The following PHACTR3 variants were observed in gnomAD, a reference collection of about 807,000 sequenced individuals.
PHACTR3 encodes the protein protein phosphatase 1, regulatory subunit 123.
PHACTR3 carries 16 observed loss-of-function variants against 66.8 expected under a neutral mutation model. The observed-to-expected ratio is 0.24, with a 90% CI of 0.16 to 0.36. The LOEUF (loss-of-function observed/expected upper bound fraction) is 0.36. Among genes scored for constraint, PHACTR3 ranks in the 10% least tolerant of loss-of-function variants. The pLI is 1.00. For missense variants in PHACTR3, 647 were observed against 719.9 expected, an observed-to-expected ratio of 0.90 and a Z score of 1.16; for synonymous variants, 323 against 292.1, an observed-to-expected ratio of 1.11 and a Z score of -1.08.
At chr20:59,718,225 A>T (rs1164293363) in intron 1 of PHACTR3, among the ~76,000 whole-genome samples, 2 of 151,996 alleles carry the variant, frequency 1.3e-5, no homozygotes, top group Non-Finnish European at 2.9e-5. Flanking sequence ...CTGCTTGGAG[A>T]ATGACAACTT....
chr20:59,604,997 C>T lies in PHACTR3; in HGVS notation c.-18C>T. ...TCCACGCGGCTCGCTCTAACTTGCC[C>T]CCGCGCCGGCCGGGCCCATGGCCGC... On this transcript the variant is annotated 5_prime_UTR_variant, in exon 1 of 13. Transcript: ENST00000371015. The T allele has an allele frequency of 7.7e-7, 1 of 1,303,840 alleles. No homozygotes were observed. 80.8% of individuals were successfully genotyped at this position (1,303,840 alleles called of 1,614,324 possible).
At chr20:59,796,904 T>C (rs942995260) in intron 7 of PHACTR3, among the ~76,000 whole-genome samples, 1 of 152,232 alleles carries the variant, frequency 6.6e-6, no homozygotes, top group Admixed American at 6.5e-5. Context: ...TGCCAACACA[T>C]GGGAATTTTT....
intron 1 of PHACTR3, among the ~76,000 whole-genome samples, chr20:59,614,705 A>G (rs1353555123): frequency 6.6e-6 from 1 of 152,198 alleles, no homozygotes; most frequent in East Asian, 1.9e-4. Context: ...TTGTATTGTT[A>G]TGGCATTACT....
chr20:59,609,673 C>T (rs1003204358), intron 1 of PHACTR3, among the ~76,000 whole-genome samples: 5 of 152,176 alleles, frequency 3.3e-5, no homozygotes, highest in African/African-American at 1.2e-4. Flanking sequence ...TGGGAGAGGG[C>T]GGAGGCAAGA....
At chr20:59,723,057 T>C (rs1328582936) in intron 1 of PHACTR3, among the ~76,000 whole-genome samples, 1 of 142,934 alleles carries the variant, frequency 7.0e-6, no homozygotes, top group African/African-American at 2.7e-5. Context: ...TCTTTCTTTC[T>C]TTCTCTTTCT....
chr20:59,750,560 G>T (rs2039541540), intron 3 of PHACTR3, among the ~76,000 whole-genome samples: 1 of 152,162 alleles, frequency 6.6e-6, no homozygotes, highest in Admixed American at 6.5e-5. Context: ...GAAGGAGGAA[G>T]CAGGAAAGGG....
At chr20:59,581,379 G>A (rs1189994260) in intron 1 of PHACTR3, among the ~76,000 whole-genome samples, 1 of 152,190 alleles carries the variant, frequency 6.6e-6, no homozygotes, top group Non-Finnish European at 1.5e-5. Context: ...ACCTGTGAGA[G>A]CCAAGCACCT....
chr20:59,817,774 G>A (rs1447177091), intron 8 of PHACTR3, among the ~76,000 whole-genome samples: 1 of 152,234 alleles, frequency 6.6e-6, no homozygotes, highest in Non-Finnish European at 1.5e-5. Flanking sequence ...TGGTGAAATA[G>A]CCTTCATGTA....
intron 4 of PHACTR3, among the ~76,000 whole-genome samples, chr20:59,760,555 T>C (rs1056689038): frequency 6.6e-6 from 1 of 152,212 alleles, no homozygotes; most frequent in African/African-American, 2.4e-5. Context: ...CTCATTCTCT[T>C]TTGTCTGCCA....
intron 9 of PHACTR3, among the ~76,000 whole-genome samples, chr20:59,837,100 T>C (rs975813362): frequency 1.1e-4 from 17 of 152,238 alleles, no homozygotes; most frequent in Non-Finnish European, 1.2e-4. Context: ...ATGCTGAGCA[T>C]AGGTGTTCAT....
At chr20:59,694,462 G>A (rs2037223982) in intron 1 of PHACTR3, among the ~76,000 whole-genome samples, 1 of 151,988 alleles carries the variant, frequency 6.6e-6, no homozygotes, top group African/African-American at 2.4e-5. Context: ...AAGGCAGGAA[G>A]GGAGTGAATG....
chr20:59,641,149 A>G (rs1161651633), intron 1 of PHACTR3, among the ~76,000 whole-genome samples: 1 of 152,030 alleles, frequency 6.6e-6, no homozygotes, highest in African/African-American at 2.4e-5. Context: ...CTATCTACCA[A>G]TCCATCCATC....
At chr20:59,814,845 T>C (rs2041840731) in intron 8 of PHACTR3, among the ~76,000 whole-genome samples, 1 of 152,152 alleles carries the variant, frequency 6.6e-6, no homozygotes, top group African/African-American at 2.4e-5. Flanking sequence ...TTTTTTCTTG[T>C]TCTGAAGCCT....
chr20:59,747,703 A>C, intron 2 of PHACTR3, 55 bp from the exon 3 acceptor site: 6 of 1,575,174 alleles, frequency 3.8e-6, no homozygotes, highest in Non-Finnish European at 5.2e-6. Flanking sequence ...TGGCTTGGAC[A>C]GGGCCCAGTG....
rs553575869 is a variant in PHACTR3, at chr20:59,605,428, G to C, written c.118+296G>C. Among the ~76,000 whole-genome samples, 585 of 152,312 alleles carry C rather than the reference G, an allele frequency of 3.8e-3. 3 individuals carry two copies. Among genetic ancestry groups the C allele is most frequent in the Non-Finnish European group, 6.3e-3 (430 of 68,020 alleles). On this transcript the variant is annotated intron_variant, in intron 1 of 12. Transcript: ENST00000371015. ...GGCTTCCTTTCCTCGGGTGCTGACC[G>C]GCTGGGGGAAGAGAGGCAGACCCGT...
In PHACTR3 at chr20:59,604,753, A is replaced by G; in HGVS notation, c.-262A>G. On this transcript the variant is annotated 5_prime_UTR_variant, in exon 1 of 13. Coordinates refer to ENST00000371015, the MANE Select transcript of PHACTR3 (RefSeq NM_080672.5). ...TATAGACTGAAGAATGGGAATAAAC[A>G]CGAATAAATAACAAAGCGAGGCCGC... 8.8e-7 allele frequency: 1 copy of G among 1,136,812 alleles called. No individual in the cohort carries two copies. Among genetic ancestry groups the G allele is most frequent in the Non-Finnish European group, 1.1e-6 (1 of 930,628 alleles). 70.4% of individuals were successfully genotyped at this position (1,136,812 alleles called of 1,614,324 possible).
intron 1 of PHACTR3, among the ~76,000 whole-genome samples, chr20:59,708,472 C>T (rs2037797207): frequency 6.6e-6 from 1 of 152,188 alleles, no homozygotes; most frequent in Admixed American, 6.5e-5. Flanking sequence ...ATGCCACTTG[C>T]ACTCCTATTC....
At chr20:59,723,936 T>C (rs905360114) in intron 1 of PHACTR3, among the ~76,000 whole-genome samples, 7 of 151,932 alleles carry the variant, frequency 4.6e-5, no homozygotes, top group Non-Finnish European at 7.4e-5. Flanking sequence ...ATTTGAGGAG[T>C]TGCCAGACTC....
intron 2 of PHACTR3, among the ~76,000 whole-genome samples, chr20:59,746,154 T>C (rs1245763652): frequency 6.6e-6 from 1 of 152,254 alleles, no homozygotes; most frequent in Non-Finnish European, 1.5e-5. Flanking sequence ...CTGTTTTCTC[T>C]GCCCAAAAAT....
Sources: allele counts gnomAD v4.1 joint callset (sites outside exome capture counted in the v4.1 genomes callset), GRCh38; gene constraint gnomAD v4.1.1; transcripts MANE v1.5; gene names NCBI Gene and HGNC (gene_info 2026-07-23, HGNC 2026-07-21).